Variants in OSBPL9 observed in about 807,000 individuals in gnomAD.
OSBPL9 encodes oxysterol binding protein like 9.
OSBPL9 carries 40 observed loss-of-function variants against 106.6 expected under a neutral mutation model. The observed-to-expected ratio is 0.38, with a 90% CI of 0.29 to 0.49. The LOEUF is 0.49. Among genes scored for constraint, OSBPL9 ranks in the 20% least tolerant of loss-of-function variants. OSBPL9 has a pLI of 0.97. For missense variants in OSBPL9, 609 were observed against 887.2 expected (o/e 0.69, Z 3.98); for synonymous variants, 269 against 295.4 (o/e 0.91, Z 0.92).
intron 1 of OSBPL9, among the ~76,000 whole-genome samples, chr1:51,617,533 A>T (rs1224636508): frequency 6.6e-6 from 1 of 152,106 alleles, no homozygotes; most frequent in African/African-American, 2.4e-5. Context: ...GGGTGATCGT[A>T]GTCATGGCTT....
chr1:51,536,296 GT>G, the OSBPL9 span, among the ~76,000 whole-genome samples: 2 of 151,690 alleles, frequency 1.3e-5, no homozygotes, highest in African/African-American at 2.4e-5. Flanking sequence ...TTTTAAAAAG[GT>G]TTTTTTTCTT....
chr1:51,681,038 CT>C (rs1261176805), intron 3 of OSBPL9, among the ~76,000 whole-genome samples: 1 of 151,968 alleles, frequency 6.6e-6, no homozygotes, highest in South Asian at 2.1e-4. Flanking sequence ...TGTTGTTCAT[CT>C]TTTTTTATAT....
intron 3 of OSBPL9, among the ~76,000 whole-genome samples, chr1:51,682,314 T>TA (rs1246114813): frequency 6.6e-6 from 1 of 152,184 alleles, no homozygotes; most frequent in African/African-American, 2.4e-5. Flanking sequence ...AACCTGCAGA[T>TA]ACAGAGGGCC....
the OSBPL9 span, among the ~76,000 whole-genome samples, chr1:51,537,853 T>A: frequency 6.6e-6 from 1 of 152,044 alleles, no homozygotes; most frequent in Admixed American, 6.6e-5. Flanking sequence ...GGTCAACCAT[T>A]TTAAATTAAT....
the OSBPL9 span, among the ~76,000 whole-genome samples, chr1:51,560,422 C>T: frequency 6.6e-6 from 1 of 152,234 alleles, no homozygotes; most frequent in Non-Finnish European, 1.5e-5. Context: ...GATAATAGTA[C>T]TTACCTTATA....
intron 17 of OSBPL9, 74 bp from the exon 18 acceptor site, chr1:51,783,841 T>C: frequency 8.9e-7 from 1 of 1,124,762 alleles, no homozygotes; most frequent in East Asian, 2.5e-5. Context: ...AAGCCAATTA[T>C]TTCCCCAGGT....
chr1:51,668,153 G>T (rs1414480877), intron 2 of OSBPL9, among the ~76,000 whole-genome samples: 2 of 152,030 alleles, frequency 1.3e-5, no homozygotes, highest in African/African-American at 4.8e-5. Context: ...AAGGGCACAC[G>T]GCTTCTCTTA....
chr1:51,685,170 G>A (rs1653498614), intron 3 of OSBPL9, among the ~76,000 whole-genome samples: 1 of 152,094 alleles, frequency 6.6e-6, no homozygotes, highest in Admixed American at 6.6e-5. Context: ...TAGTTTCTGA[G>A]TATAAAGGGT....
chr1:51,749,243 C>T (rs991543524), intron 7 of OSBPL9, among the ~76,000 whole-genome samples: 2 of 152,116 alleles, frequency 1.3e-5, no homozygotes, highest in Admixed American at 1.3e-4. Flanking sequence ...AATTTTAAAA[C>T]AGGTAAAATA....
the OSBPL9 span, chr1:51,569,409 A>G: frequency 2.3e-4 from 35 of 152,300 alleles, no homozygotes; most frequent in African/African-American, 7.7e-4. Context: ...GTCTTTGAAG[A>G]GTCCTGCCAC....
intron 1 of OSBPL9, among the ~76,000 whole-genome samples, chr1:51,596,599 G>C (rs551117096): frequency 6.6e-6 from 1 of 150,786 alleles, no homozygotes; most frequent in African/African-American, 2.4e-5. Flanking sequence ...GACCAACATG[G>C]TGAAACCCCA....
chr1:51,722,209 G>GAAA (rs1557740237), intron 4 of OSBPL9, among the ~76,000 whole-genome samples: 2 of 112,316 alleles, frequency 1.8e-5, no homozygotes, highest in Non-Finnish European at 3.9e-5. Flanking sequence ...ATAGATAGAA[G>GAAA]TAGTTAGACA....
upstream of OSBPL9, among the ~76,000 whole-genome samples, chr1:51,572,426 T>C (rs1339935152): frequency 6.6e-6 from 1 of 152,152 alleles, no homozygotes; most frequent in Non-Finnish European, 1.5e-5. Context: ...TTGCCGAAAT[T>C]ATGCAGCTAG....
Position 51,711,280 on chromosome 1 carries a change from C to T in OSBPL9, c.242-2723C>T, listed in dbSNP as rs567741124. ...GGGGCTCCTCACTTCCCAGTAGGGG[C>T]GGCCGGGCAGAGGTGCCCCTCACCT... On this transcript the variant is annotated intron_variant, in intron 3 of 23. Transcript: ENST00000428468. Among the ~76,000 whole-genome samples the T allele has an allele frequency of 2.9e-3, 436 of 150,792 alleles. 3 individuals carry two copies. The highest frequency in any genetic ancestry group is 0.013 in the South Asian group (61 of 4,772).
intron 2 of OSBPL9, among the ~76,000 whole-genome samples, chr1:51,666,256 A>G (rs1327136810): frequency 6.6e-6 from 1 of 152,154 alleles, no homozygotes; most frequent in Non-Finnish European, 1.5e-5. Context: ...GCAAGAGTGG[A>G]TGGAAGGTTA....
rs371178863 is a variant in OSBPL9 at position 51,664,837 on chromosome 1, G to T, written c.163-4597G>T. On this transcript the variant is annotated intron_variant, in intron 2 of 23. Coordinates refer to ENST00000428468, the MANE Select transcript of OSBPL9 (RefSeq NM_024586.6). ...GGGGAGCTTTTCTGTTCATTGAGCT[G>T]TACACTTGTGATTTGTATATATGTT... Among the ~76,000 whole-genome samples the T allele has an allele frequency of 9.1e-4, 139 of 152,260 alleles. 1 individual carries two copies. The highest frequency in any genetic ancestry group is 3.3e-3 in the African/African-American group (137 of 41,568).
At chr1:51,776,218 G>T (rs1675041616) in intron 14 of OSBPL9, among the ~76,000 whole-genome samples, 1 of 152,024 alleles carries the variant, frequency 6.6e-6, no homozygotes. Context: ...GTAAATAGTA[G>T]TGAGAGCGCG....
At chr1:51,568,720 C>T in the OSBPL9 span, among the ~76,000 whole-genome samples, 1 of 152,098 alleles carries the variant, frequency 6.6e-6, no homozygotes, top group South Asian at 2.1e-4. Context: ...GCTCCCGCCA[C>T]CACACCTGGC....
chr1:51,668,333 A>G (rs1162641618), intron 2 of OSBPL9, among the ~76,000 whole-genome samples: 1 of 152,150 alleles, frequency 6.6e-6, no homozygotes, highest in East Asian at 1.9e-4. Flanking sequence ...GAATATTAAG[A>G]AAAGGGGGCC....
Sources: gnomAD v4.1 joint callset for allele counts (sites outside exome capture counted in the v4.1 genomes callset) on GRCh38, gnomAD v4.1.1 for gene constraint, MANE v1.5 for transcripts, NCBI Gene and HGNC (gene_info 2026-07-23, HGNC 2026-07-21) for gene names.